The following SASH1 variants were observed in gnomAD, a reference collection of about 807,000 sequenced individuals.
SASH1 encodes the protein SAM and SH3 domain containing 1.
SASH1 carries 44 observed loss-of-function variants against 125.2 expected under a neutral mutation model. That is an observed-to-expected ratio of 0.35 (90% CI 0.28 to 0.45). The LOEUF is 0.45. Ranked by LOEUF, SASH1 falls within the 20% of genes least tolerant of loss-of-function variation. The pLI, the probability that SASH1 is intolerant of heterozygous loss-of-function variation, is 1.00. For missense variants in SASH1, 1,426 were observed against 1,614.5 expected (o/e 0.88, Z 2.00); for synonymous variants, 639 against 649.1 (o/e 0.98, Z 0.24).
At chr6:148,219,084 G>A in the SASH1 span, among the ~76,000 whole-genome samples, 1 of 152,160 alleles carries the variant, frequency 6.6e-6, no homozygotes, top group Non-Finnish European at 1.5e-5. Flanking sequence ...TAGGAACAGT[G>A]TTCAAAACAT....
rs75267186 is a variant in SASH1 at position 148,329,497 on chromosome 6, T to C, written n.74+57120T>C. On this transcript the variant is annotated intron_variant and non_coding_transcript_variant, in intron 1 of 3. Transcript: ENST00000367469. ...GTCACTTGAAGCTTCTCTCTCCATA[T>C]GTGAGAAACTCATTGAAGACATTGC... 3.8e-3 allele frequency among the ~76,000 whole-genome samples: 584 copies of C among 152,330 alleles called. 22 individuals are homozygous for C. In the East Asian group the frequency reaches 0.091, roughly 24 times the overall value.
chr6:148,283,058 G>C (rs1284128823), intron 1 of SASH1, among the ~76,000 whole-genome samples: 1 of 152,108 alleles, frequency 6.6e-6, no homozygotes. Flanking sequence ...ATTTCATCTG[G>C]GGACTCCCTG....
At chr6:148,198,730 C>T in the SASH1 span, among the ~76,000 whole-genome samples, 2 of 152,114 alleles carry the variant, frequency 1.3e-5, no homozygotes, top group Non-Finnish European at 2.9e-5. Context: ...TTCTGTTTGA[C>T]CTACATATGG....
At chr6:148,438,441 A>G (rs149302780) in intron 2 of SASH1, among the ~76,000 whole-genome samples, 34 of 152,286 alleles carry the variant, frequency 2.2e-4, no homozygotes, top group African/African-American at 7.9e-4. Context: ...AACATTGTCC[A>G]TATACTGTTT....
At chr6:148,382,376 G>A (rs962341735) in intron 1 of SASH1, among the ~76,000 whole-genome samples, 1 of 152,016 alleles carries the variant, frequency 6.6e-6, no homozygotes, top group African/African-American at 2.4e-5. Flanking sequence ...TGCAACCTCC[G>A]CCTCCTGGGT....
intron 1 of SASH1, among the ~76,000 whole-genome samples, chr6:148,291,997 A>G (rs552807172): frequency 6.6e-6 from 1 of 152,198 alleles, no homozygotes; most frequent in Non-Finnish European, 1.5e-5. Context: ...CCTGAGAAAG[A>G]GTGGCTAGCA....
At chr6:148,339,519 G>A (rs914760810), upstream of SASH1, among the ~76,000 whole-genome samples, 25 of 150,708 alleles carry the variant, frequency 1.7e-4, no homozygotes, top group African/African-American at 6.1e-4. Context: ...TATATATATA[G>A]ATATATAATT....
chr6:148,365,646 G>A, intron 1 of SASH1, among the ~76,000 whole-genome samples: 1 of 152,050 alleles, frequency 6.6e-6, no homozygotes, highest in East Asian at 1.9e-4. Context: ...CATAATGGGA[G>A]CTTTAACTGA....
Position 148,453,179 on chromosome 6 carries a change from T to C in SASH1, c.386+12772T>C, listed in dbSNP as rs117299927. On this transcript the variant is annotated intron_variant, in intron 4 of 19. Transcript: ENST00000367467. ...GTCCGCACGTCTGCCCTGTGTCCTT[T>C]GCCGGTGGCAGGCTGTGTGTGTTCT... Among the ~76,000 whole-genome samples the C allele has an allele frequency of 7.2e-5, 11 of 152,312 alleles. No homozygotes were observed. The East Asian group carries it at 2.1e-3, about 29-fold the overall frequency.
intron 1 of SASH1, among the ~76,000 whole-genome samples, chr6:148,351,191 GTT>G (rs67285564): frequency 7.8e-4 from 80 of 102,148 alleles, no homozygotes; most frequent in Middle Eastern, 5.7e-3. Flanking sequence ...TGCGATAGTA[GTT>G]TTTTTTTTTT....
At chr6:148,489,405 C>T (rs1779005538) in intron 8 of SASH1, among the ~76,000 whole-genome samples, 1 of 152,132 alleles carries the variant, frequency 6.6e-6, no homozygotes, top group Admixed American at 6.5e-5. Context: ...AAGTATGACA[C>T]CTCCGATTTT....
intron 1 of SASH1, among the ~76,000 whole-genome samples, chr6:148,328,102 T>A (rs903708296): frequency 2.0e-4 from 31 of 152,138 alleles, no homozygotes; most frequent in Admixed American, 7.2e-4. Context: ...TACTCACACA[T>A]GCGATTAGAG....
At chr6:148,425,283 TAA>T (rs1247376576) in intron 2 of SASH1, among the ~76,000 whole-genome samples, 1 of 152,206 alleles carries the variant, frequency 6.6e-6, no homozygotes, top group Non-Finnish European at 1.5e-5. Flanking sequence ...AAACTAGATT[TAA>T]AATCTGTTAT....
intron 1 of SASH1, among the ~76,000 whole-genome samples, chr6:148,365,754 C>A (rs566266051): frequency 6.6e-6 from 1 of 151,578 alleles, no homozygotes; most frequent in Admixed American, 6.6e-5. Context: ...GTGGGTGGAT[C>A]GTTGAGCTCA....
intron 15 of SASH1, among the ~76,000 whole-genome samples, 155 bp downstream of exon 15, chr6:148,534,135 CAGAA>C (rs576591075): frequency 9.9e-5 from 15 of 152,032 alleles, no homozygotes; most frequent in Non-Finnish European, 2.1e-4. Flanking sequence ...CATTATTCTA[CAGAA>C]AGAGTTAGTT....
chr6:148,368,161 G>A (rs771352302), intron 1 of SASH1, among the ~76,000 whole-genome samples: 2 of 152,244 alleles, frequency 1.3e-5, no homozygotes, highest in Non-Finnish European at 2.9e-5. Flanking sequence ...TAAATAAGCA[G>A]TAAGGTTAGC....
chr6:148,385,250 A>G (rs1319480461), intron 1 of SASH1, among the ~76,000 whole-genome samples: 6 of 152,066 alleles, frequency 3.9e-5, no homozygotes, highest in Non-Finnish European at 8.8e-5. Flanking sequence ...GCCTGAGTTG[A>G]TTTGAACAGC....
intron 2 of SASH1, among the ~76,000 whole-genome samples, chr6:148,434,400 T>G (rs1776207180): frequency 6.6e-6 from 1 of 152,154 alleles, no homozygotes. Context: ...TAAGCTAATC[T>G]TTCATCTTTA....
chr6:148,478,211 A>T (rs1778455463), intron 7 of SASH1, among the ~76,000 whole-genome samples: 2 of 152,212 alleles, frequency 1.3e-5, no homozygotes, highest in South Asian at 4.1e-4. Flanking sequence ...GTAAGCATAG[A>T]GCTATCTGCA....
Sources: gnomAD v4.1 joint callset for allele counts (sites outside exome capture counted in the v4.1 genomes callset) on GRCh38, gnomAD v4.1.1 for gene constraint, MANE v1.5 for transcripts, NCBI Gene and HGNC (gene_info 2026-07-23, HGNC 2026-07-21) for gene names.